Variants in GLIS3 observed in about 807,000 individuals in gnomAD.
The protein encoded by GLIS3 is GLIS family zinc finger 3, also known as zinc finger protein GLIS3.
In GLIS3, 53 loss-of-function variants were observed where a neutral mutation model predicts 78.6. The ratio of observed to expected loss-of-function variants is 0.67; its 90% CI spans 0.54 to 0.85. The LOEUF is 0.85. GLIS3 is among the 40% of genes least tolerant of loss of function. GLIS3 has a pLI of 0.00. For missense variants in GLIS3, 1,703 were observed against 1,231.1 expected (o/e 1.38, Z -5.74); for synonymous variants, 684 against 509.9 (o/e 1.34, Z -4.60).
At chr9:4,181,405 G>A (rs1024692980) in intron 2 of GLIS3, among the ~76,000 whole-genome samples, 4 of 152,216 alleles carry the variant, frequency 2.6e-5, no homozygotes, top group Non-Finnish European at 4.4e-5. Context: ...TAACAGCCAG[G>A]TAGTCCAGAA....
At chr9:4,275,039 T>C (rs1212534648) in intron 2 of GLIS3, among the ~76,000 whole-genome samples, 3 of 152,238 alleles carry the variant, frequency 2.0e-5, no homozygotes, top group Non-Finnish European at 2.9e-5. Context: ...CTATCTATTG[T>C]GTCTTTAAAA....
intron 9 of GLIS3, among the ~76,000 whole-genome samples, chr9:3,830,272 C>A (rs1304149701): frequency 6.6e-6 from 1 of 151,594 alleles, no homozygotes; most frequent in Non-Finnish European, 1.5e-5. Context: ...TGATCCTCCA[C>A]TCCTTTCATG....
At chr9:3,928,923 G>C (rs1414827194) in intron 6 of GLIS3, among the ~76,000 whole-genome samples, 1 of 152,130 alleles carries the variant, frequency 6.6e-6, no homozygotes, top group African/African-American at 2.4e-5. Context: ...AGTCCATTTC[G>C]ATATCAGTCT....
At chr9:3,866,335 T>C (rs1388697747) in intron 8 of GLIS3, among the ~76,000 whole-genome samples, 2 of 150,852 alleles carry the variant, frequency 1.3e-5, no homozygotes, top group African/African-American at 4.9e-5. Flanking sequence ...AGTTAAAGAG[T>C]AAAGGGAGCC....
intron 2 of GLIS3, among the ~76,000 whole-genome samples, chr9:4,242,297 GA>G (rs898607081): frequency 4.6e-5 from 7 of 152,126 alleles, no homozygotes; most frequent in African/African-American, 1.4e-4. Context: ...GGAAGTGGGG[GA>G]AAAAAACGTG....
At chr9:4,188,179 C>G (rs1586919405) in intron 2 of GLIS3, among the ~76,000 whole-genome samples, 1 of 151,470 alleles carries the variant, frequency 6.6e-6, no homozygotes, top group African/African-American at 2.4e-5. Context: ...CCATCAATAC[C>G]TAATTTATTG....
intron 2 of GLIS3, among the ~76,000 whole-genome samples, chr9:4,221,298 A>C (rs7873463): frequency 0.61 from 93,377 of 152,096 alleles, 30,908 homozygotes; most frequent in South Asian, 0.81. Flanking sequence ...TCTTTATATT[A>C]TTCTTAAACC....
chr9:4,132,699 TAA>T (rs2063792158), intron 2 of GLIS3, among the ~76,000 whole-genome samples: 2 of 152,104 alleles, frequency 1.3e-5, no homozygotes, highest in South Asian at 4.1e-4. Context: ...CCATTCATTA[TAA>T]AAGAGGTGAT....
intron 6 of GLIS3, among the ~76,000 whole-genome samples, chr9:3,919,759 A>G (rs189875685): frequency 8.5e-5 from 13 of 152,170 alleles, no homozygotes; most frequent in Admixed American, 8.5e-4. Flanking sequence ...GGGCTTGAAG[A>G]ATTTTGGAAA....
chr9:4,171,706 G>C (rs2131131868), intron 2 of GLIS3, among the ~76,000 whole-genome samples: 1 of 152,274 alleles, frequency 6.6e-6, no homozygotes, highest in African/African-American at 2.4e-5. Context: ...AAGATGACTT[G>C]AACTGTTTTT....
At chr9:4,279,054 C>T (rs578162304) in intron 2 of GLIS3, among the ~76,000 whole-genome samples, 59 of 152,210 alleles carry the variant, frequency 3.9e-4, no homozygotes, top group African/African-American at 1.4e-3. Flanking sequence ...GTAATCCCAG[C>T]ACTTTGGGAG....
intron 7 of GLIS3, among the ~76,000 whole-genome samples, chr9:3,894,974 T>C (rs1029104286): frequency 4.6e-5 from 7 of 152,186 alleles, no homozygotes; most frequent in Admixed American, 3.9e-4. Flanking sequence ...GCTAAGGTCA[T>C]GTTTTACTGA....
intron 4 of GLIS3, among the ~76,000 whole-genome samples, chr9:4,106,292 C>T (rs576484204): frequency 1.1e-4 from 16 of 152,124 alleles, no homozygotes; most frequent in South Asian, 4.1e-4. Flanking sequence ...GTATACGTGA[C>T]GCCTCCTAAT....
At chr9:3,849,344 C>T (rs1819269703) in intron 9 of GLIS3, among the ~76,000 whole-genome samples, 1 of 152,184 alleles carries the variant, frequency 6.6e-6, no homozygotes, top group Non-Finnish European at 1.5e-5. Context: ...AACGGAATCT[C>T]CGTTTTGTTA....
intron 2 of GLIS3, among the ~76,000 whole-genome samples, chr9:4,130,076 T>G (rs200194710): frequency 1.3e-5 from 2 of 152,170 alleles, no homozygotes; most frequent in East Asian, 3.8e-4. Context: ...AATTTGAAAG[T>G]GATTTAGTGT....
the GLIS3 span, among the ~76,000 whole-genome samples, chr9:4,429,292 C>T: frequency 6.6e-6 from 1 of 151,982 alleles, no homozygotes; most frequent in Non-Finnish European, 1.5e-5. Context: ...GCCATTTGGC[C>T]CCTACCTCCC....
At chr9:4,312,433 A>T (rs1048570179) in intron 2 of GLIS3, among the ~76,000 whole-genome samples, 7 of 152,106 alleles carry the variant, frequency 4.6e-5, no homozygotes, top group African/African-American at 1.7e-4. Flanking sequence ...GCACCACTTC[A>T]CTCCAGCCTG....
chr9:4,226,606 A>C (rs375284251), intron 2 of GLIS3, among the ~76,000 whole-genome samples: 55 of 152,280 alleles, frequency 3.6e-4, no homozygotes, highest in African/African-American at 1.3e-3. Context: ...CTTCCTTCTG[A>C]AGTAGAACTC....
intron 2 of GLIS3, among the ~76,000 whole-genome samples, chr9:4,204,053 C>T (rs1348044945): frequency 1.3e-5 from 2 of 152,058 alleles, no homozygotes; most frequent in Admixed American, 6.5e-5. Flanking sequence ...ACACAATATA[C>T]CCAGGTAACA....
Sources: allele counts gnomAD v4.1 joint callset (sites outside exome capture counted in the v4.1 genomes callset), GRCh38; gene constraint gnomAD v4.1.1; transcripts MANE v1.5; gene names NCBI Gene and HGNC (gene_info 2026-07-23, HGNC 2026-07-21).